GAS2: variants seen among roughly 807,000 people sequenced by gnomAD.
GAS2 encodes the protein growth arrest specific 2.
GAS2 carries 20 observed loss-of-function variants against 37.5 expected under a neutral mutation model. The observed-to-expected ratio is 0.53, with a 90% CI of 0.37 to 0.77. The LOEUF is 0.77. GAS2 is among the 30% of genes least tolerant of loss of function. GAS2 has a pLI of 0.00. For missense variants in GAS2, 336 were observed against 373.4 expected (o/e 0.90, Z 0.82); for synonymous variants, 144 against 132.2 (o/e 1.09, Z -0.61).
At chr11:22,686,138 A>G (rs1387527487) in intron 3 of GAS2, among the ~76,000 whole-genome samples, 5 of 152,194 alleles carry the variant, frequency 3.3e-5, no homozygotes, top group African/African-American at 9.6e-5. Context: ...AGATTTACTG[A>G]ATAGATCTTT....
At chr11:22,638,104 A>C (rs1014739273) in intron 1 of GAS2, among the ~76,000 whole-genome samples, 1 of 152,046 alleles carries the variant, frequency 6.6e-6, no homozygotes, top group Non-Finnish European at 1.5e-5. Flanking sequence ...TAAGCCTCCA[A>C]ATTATACATC....
At chr11:22,793,320 A>G (rs566017957) in intron 7 of GAS2, among the ~76,000 whole-genome samples, 44 of 152,220 alleles carry the variant, frequency 2.9e-4, no homozygotes, top group African/African-American at 1.0e-3. Flanking sequence ...TAAAAAGAAC[A>G]TAATTACAAA....
chr11:22,742,193 A>G (rs1423298841), intron 5 of GAS2, among the ~76,000 whole-genome samples: 1 of 152,128 alleles, frequency 6.6e-6, no homozygotes, highest in African/African-American at 2.4e-5. Flanking sequence ...GTATAAAGGT[A>G]TGAGGATATG....
At chr11:22,652,777 G>A (rs1476253974) in intron 1 of GAS2, among the ~76,000 whole-genome samples, 5 of 152,236 alleles carry the variant, frequency 3.3e-5, no homozygotes, top group Admixed American at 1.3e-4. Context: ...GCCCTGCTTC[G>A]GCTCGCACAC....
At chr11:22,756,191 A>G (rs1220820834) in intron 7 of GAS2, among the ~76,000 whole-genome samples, 1 of 152,180 alleles carries the variant, frequency 6.6e-6, no homozygotes, top group Non-Finnish European at 1.5e-5. Context: ...GAGATCAAAT[A>G]GATGAAGAAG....
chr11:22,769,215 G>A (rs758858630), intron 7 of GAS2, among the ~76,000 whole-genome samples: 1 of 152,170 alleles, frequency 6.6e-6, no homozygotes, highest in African/African-American at 2.4e-5. Context: ...CTCCCAGGGT[G>A]ATATTTACAA....
intron 1 of GAS2, among the ~76,000 whole-genome samples, chr11:22,648,410 CT>C (rs1195994911): frequency 6.6e-6 from 1 of 152,142 alleles, no homozygotes; most frequent in African/African-American, 2.4e-5. Flanking sequence ...GATGCGGGCT[CT>C]TTTTTGGTTC....
At chr11:22,810,457 A>G (rs1375522375) in intron 7 of GAS2, among the ~76,000 whole-genome samples, 1 of 152,194 alleles carries the variant, frequency 6.6e-6, no homozygotes, top group Non-Finnish European at 1.5e-5. Flanking sequence ...ATATTTATTC[A>G]AAAGAAACCA....
intron 5 of GAS2, among the ~76,000 whole-genome samples, chr11:22,747,853 A>T (rs530172891): frequency 1.4e-4 from 21 of 152,192 alleles, no homozygotes; most frequent in Non-Finnish European, 2.5e-4. Context: ...AAAGCCAGGA[A>T]TAAAACTACT....
intron 5 of GAS2, among the ~76,000 whole-genome samples, chr11:22,742,054 G>A (rs1029290346): frequency 2.0e-5 from 3 of 152,018 alleles, no homozygotes; most frequent in African/African-American, 7.2e-5. Context: ...CCAGAAAAAT[G>A]AGAAATCCAT....
intron 3 of GAS2, among the ~76,000 whole-genome samples, chr11:22,705,266 A>G (rs955971600): frequency 3.3e-5 from 5 of 152,158 alleles, no homozygotes; most frequent in African/African-American, 1.2e-4. Context: ...GGTCCCATCC[A>G]CCACAGGGCC....
chr11:22,720,748 A>T (rs1851909322), intron 3 of GAS2, among the ~76,000 whole-genome samples: 1 of 152,016 alleles, frequency 6.6e-6, no homozygotes, highest in Non-Finnish European at 1.5e-5. Flanking sequence ...TGTCTACTTG[A>T]TGTAATCAAG....
rs142463266 is a variant in GAS2 at position 22,726,896 on chromosome 11, C to G, written c.409+463C>G. Among the ~76,000 whole-genome samples, 337 of 152,138 alleles carry G rather than the reference C, an allele frequency of 2.2e-3. 1 individual carries two copies. Among genetic ancestry groups the G allele is most frequent in the African/African-American group, 7.8e-3 (322 of 41,536 alleles). ...CTACCTTTATTGAACGTACAGATTA[C>G]TCATTCATTTATTTATTTTTTAGTG... On this transcript the variant is annotated intron_variant, in intron 4 of 7. Transcript: ENST00000454584.
At chr11:22,733,530 A>G (rs1329028862) in intron 4 of GAS2, among the ~76,000 whole-genome samples, 1 of 151,690 alleles carries the variant, frequency 6.6e-6, no homozygotes. Flanking sequence ...TAACTAAACT[A>G]TACATTCATG....
intron 1 of GAS2, among the ~76,000 whole-genome samples, chr11:22,650,464 G>T (rs1848760166): frequency 1.3e-5 from 2 of 151,956 alleles, no homozygotes; most frequent in African/African-American, 4.8e-5. Flanking sequence ...TTCAATTCCT[G>T]TGTATCCTTG....
chr11:22,749,442 G>T (rs899138266), intron 6 of GAS2, among the ~76,000 whole-genome samples, 181 bp downstream of exon 6: 2 of 151,928 alleles, frequency 1.3e-5, no homozygotes, highest in East Asian at 3.8e-4. Flanking sequence ...AACTGAACTA[G>T]TTGTTCAAAA....
intron 7 of GAS2, among the ~76,000 whole-genome samples, chr11:22,781,100 T>G (rs565639592): frequency 6.6e-6 from 1 of 152,212 alleles, no homozygotes; most frequent in Non-Finnish European, 1.5e-5. Flanking sequence ...AGGCAGACAA[T>G]TTGCTTAATT....
At chr11:22,799,404 A>T (rs372355838) in intron 7 of GAS2, among the ~76,000 whole-genome samples, 26 of 152,192 alleles carry the variant, frequency 1.7e-4, no homozygotes, top group African/African-American at 6.0e-4. Context: ...GTGAATGAAG[A>T]TCATGAAGAG....
intron 7 of GAS2, among the ~76,000 whole-genome samples, chr11:22,810,491 T>C (rs1193612061): frequency 1.3e-5 from 2 of 152,218 alleles, no homozygotes; most frequent in African/African-American, 4.8e-5. Context: ...TATGGGACAG[T>C]AGTGCTGGTT....
Sources: gnomAD v4.1 joint callset for allele counts (sites outside exome capture counted in the v4.1 genomes callset) on GRCh38, gnomAD v4.1.1 for gene constraint, MANE v1.5 for transcripts, NCBI Gene and HGNC (gene_info 2026-07-23, HGNC 2026-07-21) for gene names.